The following PTK7 variants were observed in gnomAD, a reference collection of about 807,000 sequenced individuals.
PTK7 encodes inactive tyrosine-protein kinase 7.
In PTK7, 39 loss-of-function variants were observed where a neutral mutation model predicts 116.6. That is an observed-to-expected ratio of 0.33 (90% CI 0.26 to 0.44). The LOEUF (loss-of-function observed/expected upper bound fraction) is 0.44. Among genes scored for constraint, PTK7 ranks in the 20% least tolerant of loss-of-function variants. The probability of loss-of-function intolerance (pLI) is 1.00; values close to 1 mark genes in which losing one functional copy is unlikely to be tolerated. For synonymous variants in PTK7, 546 were observed against 563.6 expected (o/e 0.97, Z 0.44); for missense variants, 1,169 against 1,425.6 (o/e 0.82, Z 2.90).
chr6:43,146,595 G>A (rs1484779424), intron 16 of PTK7, 23 bp from the exon 17 acceptor site: 6 of 1,607,660 alleles, frequency 3.7e-6, no homozygotes, highest in South Asian at 1.1e-5. Context: ...TGACCTGAGC[G>A]AGATGCCTGG....
chr6:43,160,913 G>A lies in PTK7; in HGVS notation c.*32G>A, dbSNP rs142709284. 5.0e-6 allele frequency: 8 copies of A among 1,609,078 alleles called. No individual in the cohort carries two copies. In the African/African-American group the frequency reaches 5.3e-5, roughly 11 times the overall value. ...AGCCCGCTCAGGATGGCCTGGGCAGGGGAGGACATCTCTAGAGGGAAGCTC... is the reference window on the plus strand; with the variant it reads ...AGCCCGCTCAGGATGGCCTGGGCAGAGGAGGACATCTCTAGAGGGAAGCTC... On this transcript the variant is annotated 3_prime_UTR_variant, in exon 20 of 20. Coordinates refer to ENST00000230419, the MANE Select transcript of PTK7 (RefSeq NM_002821.5).
At chr6:43,114,999 G>GTA (rs1768424130) in intron 1 of PTK7, among the ~76,000 whole-genome samples, 1 of 151,240 alleles carries the variant, frequency 6.6e-6, no homozygotes, top group Non-Finnish European at 1.5e-5. Flanking sequence ...CCGAGATCTT[G>GTA]CCATTGCACT....
chr6:43,131,471 C>T (rs1226690296), intron 5 of PTK7, among the ~76,000 whole-genome samples: 1 of 152,204 alleles, frequency 6.6e-6, no homozygotes, highest in African/African-American at 2.4e-5. Context: ...TACAGTTCCA[C>T]ATGGCTGGGC....
chr6:43,134,538 T>C (rs949269030), intron 7 of PTK7, among the ~76,000 whole-genome samples: 1 of 151,900 alleles, frequency 6.6e-6, no homozygotes, highest in Non-Finnish European at 1.5e-5. Context: ...TCCCAGCACT[T>C]TGGGAGGCCG....
rs111430267 is a variant in PTK7, at chr6:43,082,071, G to A, written c.79+5504G>A. ...GCTAAAGTTGCTTCCTCAGAGAACT[G>A]GGTAGGGGCCTAGAGTATCTATAAC... On this transcript the variant is annotated intron_variant, in intron 1 of 19. Coordinates refer to ENST00000230419, the MANE Select transcript of PTK7 (RefSeq NM_002821.5). 1.2e-3 allele frequency among the ~76,000 whole-genome samples: 184 copies of A among 152,326 alleles called. 2 individuals are homozygous for A. Among genetic ancestry groups the A allele is most frequent in the South Asian group, 0.011 (53 of 4,826 alleles).
chr6:43,153,563 C>T (rs1771252165), intron 17 of PTK7, among the ~76,000 whole-genome samples: 1 of 152,134 alleles, frequency 6.6e-6, no homozygotes, highest in Admixed American at 6.5e-5. Flanking sequence ...GCACCCACCA[C>T]CACACCTGGC....
chr6:43,118,653 C>CTATATA (rs1197539421), intron 1 of PTK7, among the ~76,000 whole-genome samples: 1 of 79,402 alleles, frequency 1.3e-5, no homozygotes, highest in Non-Finnish European at 2.3e-5. Context: ...CTCTCTCTCT[C>CTATATA]TCTCTCTATA....
rs879682489 is a variant in PTK7 at position 43,105,291 on chromosome 6, GA to G, written c.80-23674del. ...AGAATATTCTTCATAATGACAAAAA[GA>G]AAAAAAAAAAAGGAAAACCATCTGA... On this transcript the variant is annotated intron_variant, in intron 1 of 19. Transcript: ENST00000230419. 3.7e-3 allele frequency among the ~76,000 whole-genome samples: 460 copies of G among 125,494 alleles called. 1 individual carries two copies. Among genetic ancestry groups the G allele is most frequent in the Admixed American group, 7.6e-3 (95 of 12,468 alleles). The allele number at this position is 125,494 out of a possible 152,430, so 82.3% of individuals were successfully genotyped here.
intron 1 of PTK7, among the ~76,000 whole-genome samples, chr6:43,114,056 G>C (rs1768349434): frequency 6.6e-6 from 1 of 152,058 alleles, no homozygotes; most frequent in Non-Finnish European, 1.5e-5. Flanking sequence ...GCTGGGGCGG[G>C]TGGTGGGAGG....
chr6:43,108,194 A>G (rs1282025895), intron 1 of PTK7, among the ~76,000 whole-genome samples: 1 of 150,498 alleles, frequency 6.6e-6, no homozygotes, highest in Non-Finnish European at 1.5e-5. Flanking sequence ...TCCCAGGTTC[A>G]AGCGATTCTC....
rs1211957488 is a variant in PTK7 at position 43,129,821 on chromosome 6, G to A, written c.462G>A (p.Gly154=). Residue 154 remains glycine, a synonymous_variant, in exon 3 of 20, where the codon GGG becomes GGA. Coordinates refer to ENST00000230419, the MANE Select transcript of PTK7 (RefSeq NM_002821.5). This position sits in a 1 kb window ranked among gnomAD's most constrained non-coding sequence, Gnocchi z 4.5. ...TCACACTTCGTTGCCACATTGATGGGCACCCTCGGTAAGGAGTCAGGGAGG... is the reference window on the plus strand; with the variant it reads ...TCACACTTCGTTGCCACATTGATGGACACCCTCGGTAAGGAGTCAGGGAGG... ...TQVTLRCHID[G]HPRPTYQWFR... 2.5e-6 allele frequency: 4 copies of A among 1,613,994 alleles called. No individual in the cohort carries two copies. Among genetic ancestry groups the A allele is most frequent in the Middle Eastern group, 1.7e-4 (1 of 6,060 alleles).
Position 43,084,034 on chromosome 6 carries a change from G to A in PTK7, c.79+7467G>A, listed in dbSNP as rs534720488. Reference sequence around the variant, plus strand: ...ATCAGAATTATTGAGGGAGAGGCCAGAAAATGCATTTTATTTATTTGTTAG... The same window carrying A: ...ATCAGAATTATTGAGGGAGAGGCCAAAAAATGCATTTTATTTATTTGTTAG... On this transcript the variant is annotated intron_variant, in intron 1 of 19. Coordinates refer to ENST00000230419, the MANE Select transcript of PTK7 (RefSeq NM_002821.5). Among the ~76,000 whole-genome samples, 4 of 152,310 alleles carry A rather than the reference G, an allele frequency of 2.6e-5. No individual in the cohort carries two copies. In the South Asian group the frequency reaches 8.3e-4, roughly 32 times the overall value.
intron 1 of PTK7, among the ~76,000 whole-genome samples, chr6:43,090,219 C>T (rs1200962825): frequency 6.6e-6 from 1 of 152,212 alleles, no homozygotes; most frequent in African/African-American, 2.4e-5. Context: ...CGCTCTCTGC[C>T]CCTTCCCACT....
At chr6:43,123,238 A>C (rs1292986783) in intron 1 of PTK7, among the ~76,000 whole-genome samples, 2 of 152,224 alleles carry the variant, frequency 1.3e-5, no homozygotes, top group Non-Finnish European at 2.9e-5. Context: ...TACAGGCGTG[A>C]GTCACTGCGC....
At chr6:43,142,571 C>G (rs907696800) in intron 13 of PTK7, 6 of 533,382 alleles carry the variant, frequency 1.1e-5, no homozygotes, top group Admixed American at 7.5e-5. Flanking sequence ...CTCCCAGGTT[C>G]CTGCAGCAGC....
At chr6:43,114,774 G>C (rs942214617) in intron 1 of PTK7, among the ~76,000 whole-genome samples, 1 of 151,968 alleles carries the variant, frequency 6.6e-6, no homozygotes, top group Non-Finnish European at 1.5e-5. Flanking sequence ...GCAAGATTTT[G>C]GTGCTTTTAA....
Position 43,127,854 on chromosome 6 carries a change from A to G in PTK7, c.80-1123A>G, listed in dbSNP as rs376553703. ...TGAGGCAGGAGAATGGCGTGAACCC[A>G]GGAGGCAGAGCTTGCAGTGAGCCAA... On this transcript the variant is annotated intron_variant, in intron 1 of 19. Coordinates refer to ENST00000230419, the MANE Select transcript of PTK7 (RefSeq NM_002821.5). Among the ~76,000 whole-genome samples the G allele has an allele frequency of 7.9e-5, 12 of 152,082 alleles. No homozygotes were observed. The East Asian group carries it at 1.8e-3, about 22-fold the overall frequency.
Position 43,076,594 on chromosome 6 carries a change from G to C in PTK7, c.79+27G>C. On this transcript the variant is annotated intron_variant, in intron 1 of 19. Transcript: ENST00000230419. The surrounding 1 kb of genome is among the most constrained non-coding windows in gnomAD (Gnocchi z 5.7). ...TGAGTACCCGAGAGTTGGGGGCACA[G>C]AGCTTGGGAAGCGCGGGAGTCCCGT... 3.8e-6 allele frequency: 6 copies of C among 1,566,722 alleles called. No homozygotes were observed. In the South Asian group the frequency reaches 4.7e-5, roughly 12 times the overall value.
chr6:43,160,590 C>A, intron 19 of PTK7, 131 bp from the exon 20 acceptor site: 1 of 1,175,714 alleles, frequency 8.5e-7, no homozygotes, highest in Non-Finnish European at 1.2e-6. Flanking sequence ...TGCGGGTACC[C>A]ACCTGCCGCT....
Sources: gnomAD v4.1 joint callset for allele counts (sites outside exome capture counted in the v4.1 genomes callset) on GRCh38, gnomAD v4.1.1 for gene constraint, Gnocchi (gnomAD v3.1) non-coding constraint, MANE v1.5 for transcripts, NCBI Gene and HGNC (gene_info 2026-07-23, HGNC 2026-07-21) for gene names.